The following PLEKHM2 variants were observed in gnomAD, a reference collection of about 807,000 sequenced individuals.
The protein encoded by PLEKHM2 is pleckstrin homology domain-containing family M member 2.
In PLEKHM2, 77 loss-of-function variants were observed where a neutral mutation model predicts 116.3. The observed-to-expected ratio is 0.66, with a 90% CI of 0.55 to 0.80. The LOEUF is 0.80. Among genes scored for constraint, PLEKHM2 ranks in the 30% least tolerant of loss-of-function variants. The probability of loss-of-function intolerance (pLI) is 0.00; values close to 1 mark genes in which losing one functional copy is unlikely to be tolerated. For synonymous variants in PLEKHM2, 562 were observed against 571.0 expected (o/e 0.98, Z 0.22); for missense variants, 1,183 against 1,354.9 (o/e 0.87, Z 1.99).
At chr1:15,723,140 T>C (rs2068016601) in intron 7 of PLEKHM2, 1 of 152,042 alleles carries the variant, frequency 6.6e-6, no homozygotes, top group Non-Finnish European at 1.5e-5. Context: ...CTTTGGCTTA[T>C]TTACAGAGCT....
At chr1:15,720,393 T>C (rs911759136) in intron 6 of PLEKHM2, 6 of 985,196 alleles carry the variant, frequency 6.1e-6, no homozygotes, top group Non-Finnish European at 7.2e-6. Context: ...CTGTGTCCTG[T>C]GTGTCCGTCC....
upstream of PLEKHM2, among the ~76,000 whole-genome samples, chr1:15,683,361 A>G (rs12564900): frequency 0.66 from 99,757 of 151,136 alleles, 33,461 homozygotes; most frequent in African/African-American, 0.74. Context: ...TGGGGCTTGC[A>G]GGCTAAGAGG....
Position 15,729,791 on chromosome 1 carries a change from A to C in PLEKHM2, c.2076-6A>C. On this transcript the variant is annotated splice_region_variant and splice_polypyrimidine_tract_variant and intron_variant, in intron 13 of 19. Coordinates refer to ENST00000375799, the MANE Select transcript of PLEKHM2 (RefSeq NM_015164.4). The surrounding 1 kb of genome is among the most constrained non-coding windows in gnomAD (Gnocchi z 4.7). ...CCTCTAACCACAAACCTCACTCCCT[A>C]TGCAGGTTCTTTTTGGCTTCTTTGA... 1 of 1,610,292 alleles carries C rather than the reference A, an allele frequency of 6.2e-7. No individual in the cohort carries two copies.
In PLEKHM2 at chr1:15,731,979, G is replaced by C; in HGVS notation, c.2556G>C (p.Glu852Asp). 1.2e-6 allele frequency: 2 copies of C among 1,612,382 alleles called. No individual in the cohort carries two copies. The highest frequency in any genetic ancestry group is 2.2e-5 in the South Asian group (2 of 91,052). Residue 852 changes from glutamate (E) to aspartate (D), a missense_variant, in exon 17 of 20, where the codon GAG (glutamate) becomes GAC (aspartate). This residue lies in a region of PLEKHM2 where 594 missense variants were observed against 720.1 expected (regional missense o/e 0.82). Coordinates refer to ENST00000375799, the MANE Select transcript of PLEKHM2 (RefSeq NM_015164.4). The part of the protein sequence containing the change: ...QVILSDRPCL[E>D]LSAESEAEMA... ...TTCTCTCCGACCGGCCCTGCCTGGA[G>C]CTAAGTGCCGAGAGCGAGGCCGAGA...
rs928713894 is a variant in PLEKHM2, at chr1:15,703,208, C to T, written c.61-13029C>T. Among the ~76,000 whole-genome samples, 8 of 152,272 alleles carry T rather than the reference C, an allele frequency of 5.3e-5. No individual in the cohort carries two copies. In the South Asian group the frequency reaches 1.2e-3, roughly 24 times the overall value. On this transcript the variant is annotated intron_variant, in intron 1 of 19. Transcript: ENST00000375799. ...GAGAGTCGAACCTGCCAGGCCAGGC[C>T]GGGCCGGGCAAGGTTTCTTAGGTAT...
intron 1 of PLEKHM2, among the ~76,000 whole-genome samples, chr1:15,686,831 AGTAGAG>A (rs1640782136): frequency 6.6e-6 from 1 of 151,800 alleles, no homozygotes; most frequent in East Asian, 1.9e-4. Context: ...TTGTATTTTT[AGTAGAG>A]ACGGGGTTTC....
chr1:15,718,275 CAG>C (rs1641486239), intron 4 of PLEKHM2, among the ~76,000 whole-genome samples: 1 of 152,228 alleles, frequency 6.6e-6, no homozygotes, highest in South Asian at 2.1e-4. Flanking sequence ...GCTGCAGGAA[CAG>C]AGTGTGTACA....
intron 1 of PLEKHM2, among the ~76,000 whole-genome samples, chr1:15,715,604 G>A (rs2148356459): frequency 6.6e-6 from 1 of 152,322 alleles, no homozygotes; most frequent in Middle Eastern, 3.4e-3. Context: ...TCATGCCACT[G>A]CCCTCCAGCC....
chr1:15,686,474 G>T (rs951806235), intron 1 of PLEKHM2, among the ~76,000 whole-genome samples: 5 of 151,826 alleles, frequency 3.3e-5, no homozygotes, highest in African/African-American at 1.2e-4. Context: ...TTTTTTTGTT[G>T]TTGTTGTTGT....
chr1:15,694,040 G>A (rs1021868476), intron 1 of PLEKHM2, among the ~76,000 whole-genome samples: 2 of 152,114 alleles, frequency 1.3e-5, no homozygotes, highest in Non-Finnish European at 2.9e-5. Flanking sequence ...AGCTCTCTGG[G>A]TTGCCACCTC....
chr1:15,686,015 T>C (rs920350148), intron 1 of PLEKHM2, among the ~76,000 whole-genome samples: 1 of 152,158 alleles, frequency 6.6e-6, no homozygotes, highest in Non-Finnish European at 1.5e-5. Context: ...TGGCTTTAGG[T>C]AGGCCCGGCG....
In PLEKHM2 at chr1:15,729,331, A is replaced by G. The variant is rs1335599320; in HGVS notation, c.2075+141A>G. On this transcript the variant is annotated intron_variant, in intron 13 of 19. Transcript: ENST00000375799. This position sits in a 1 kb window ranked among gnomAD's most constrained non-coding sequence, Gnocchi z 4.7. ...CAGATGTATTCCCTCTGGAACCTGC[A>G]TCTGCTCAGAGAGGCAGGCAAGTAG... 2.8e-6 allele frequency: 2 copies of G among 724,116 alleles called. No individual in the cohort carries two copies. Among genetic ancestry groups the G allele is most frequent in the African/African-American group, 1.7e-5 (1 of 57,626 alleles). The allele number at this position is 724,116 out of a possible 1,614,324, so 44.9% of individuals were successfully genotyped here. A position where few individuals can be genotyped will look rare whatever the true frequency, so the allele number is the denominator to read the frequency against.
chr1:15,725,652 G>A (rs2068054883), intron 8 of PLEKHM2, 107 bp downstream of exon 8: 2 of 756,736 alleles, frequency 2.6e-6, no homozygotes, highest in Non-Finnish European at 4.3e-6. Flanking sequence ...CCTGAGGGCA[G>A]TTGCATGCCT....
chr1:15,720,063 G>C (rs2067970669), intron 6 of PLEKHM2, 143 bp downstream of exon 6: 1 of 601,608 alleles, frequency 1.7e-6, no homozygotes, highest in Admixed American at 3.5e-5. Context: ...CCATTTCCCA[G>C]ATCTTCATCT....
intron 1 of PLEKHM2, among the ~76,000 whole-genome samples, chr1:15,709,986 A>G (rs1002537476): frequency 6.6e-6 from 1 of 152,028 alleles, no homozygotes; most frequent in African/African-American, 2.4e-5. Context: ...AGCACTTTGG[A>G]GGCCGAGATG....
Position 15,730,447 on chromosome 1 carries a change from G to GA in PLEKHM2, c.2209-76dup, listed in dbSNP as rs35232208. The GA allele has an allele frequency of 0.66, 664,732 of 1,003,196 alleles. 211,464 individuals carry two copies. Among genetic ancestry groups the GA allele is most frequent in the Non-Finnish European group, 0.68 (485,870 of 715,470 alleles). 62.1% of individuals were successfully genotyped at this position (1,003,196 alleles called of 1,614,324 possible). On this transcript the variant is annotated intron_variant, in intron 14 of 19. Coordinates refer to ENST00000375799, the MANE Select transcript of PLEKHM2 (RefSeq NM_015164.4). Reference sequence around the variant, plus strand: ...ACAGAGCGAGACTCCATCTCAAAAAGAAAAAAAAAGAACCAGTCCGGGCTC... The same window carrying GA: ...ACAGAGCGAGACTCCATCTCAAAAAGAAAAAAAAAAGAACCAGTCCGGGCTC...
intron 7 of PLEKHM2, among the ~76,000 whole-genome samples, chr1:15,724,227 G>A (rs1336648005): frequency 6.6e-6 from 1 of 152,190 alleles, no homozygotes; most frequent in African/African-American, 2.4e-5. Flanking sequence ...GCTCACGCCT[G>A]TAATCCCAGC....
At chr1:15,731,783 C>A (rs889033455) in intron 16 of PLEKHM2, 106 bp from the exon 17 acceptor site, 3 of 946,502 alleles carry the variant, frequency 3.2e-6, no homozygotes, top group East Asian at 2.7e-5. Context: ...GCCCCCAAGA[C>A]GGTGGGGCAG....
rs868652957 is a variant in PLEKHM2 at position 15,693,021 on chromosome 1, G to A, written c.60+8403G>A. 6.8e-4 allele frequency among the ~76,000 whole-genome samples: 101 copies of A among 148,912 alleles called. 1 individual carries two copies. The highest frequency in any genetic ancestry group is 2.3e-3 in the South Asian group (11 of 4,726). ...CCCAAAGTGCTGGGATTATAGGCGC[G>A]AGCCACCGTGCCTAGCCACACTTTT... is the stretch of plus-strand genomic sequence containing the variant. On this transcript the variant is annotated intron_variant, in intron 1 of 19. Transcript: ENST00000375799.
Sources: gnomAD v4.1 joint callset for allele counts (sites outside exome capture counted in the v4.1 genomes callset) on GRCh38, gnomAD v4.1.1 for gene constraint, gnomAD v4.1.1 regional missense constraint, Gnocchi (gnomAD v3.1) non-coding constraint, MANE v1.5 for transcripts, NCBI Gene and HGNC (gene_info 2026-07-23, HGNC 2026-07-21) for gene names.